LRRC37A3: variants seen among roughly 807,000 people sequenced by gnomAD.
LRRC37A3 encodes the protein leucine rich repeat containing 37 member A3, also known as leucine-rich repeat-containing protein 37A3.
In LRRC37A3, 25 loss-of-function variants were observed where a neutral mutation model predicts 106.2. That is an observed-to-expected ratio of 0.24 (90% CI 0.17 to 0.33). The LOEUF is 0.33. Ranked by LOEUF, LRRC37A3 falls within the 10% of genes least tolerant of loss-of-function variation. The pLI, the probability that LRRC37A3 is intolerant of heterozygous loss-of-function variation, is 1.00. For missense variants in LRRC37A3, 712 were observed against 1,644.9 expected (o/e 0.43, Z 9.81); for synonymous variants, 305 against 635.8 (o/e 0.48, Z 7.83).
rs1335536122 is a variant in LRRC37A3 at position 64,866,608 on chromosome 17, ATATATATATATATATATATAT to A, written c.3053+1833_3053+1853del. Among the ~76,000 whole-genome samples the A allele has an allele frequency of 1.6e-3, 32 of 19,394 alleles. No individual in the cohort carries two copies. The East Asian group carries it at 0.018, about 11-fold the overall frequency. 12.7% of individuals were successfully genotyped at this position (19,394 alleles called of 152,430 possible). On this transcript the variant is annotated intron_variant, in intron 10 of 14. Transcript: ENST00000584306. ...CACGTACATATATATATATATATAT[ATATATATATATATATATATAT>A]TTTTTTTTTTTTTTTTTTTTAGACA... is the stretch of plus-strand genomic sequence containing the variant.
At position 64,860,880 on chromosome 17, in the gene LRRC37A3, G is replaced by T. The variant is rs148306009; in HGVS notation, c.3266C>A (p.Pro1089Gln). The change falls in exon 12 of 15, where the codon CCG (proline) becomes CAG (glutamine). Residue 1089 changes from proline (P) to glutamine (Q), a missense_variant. Transcript: ENST00000584306. ...NYTSTELIIEPEEPSDSSGIN... is the reference protein window; with the variant it reads ...NYTSTELIIEQEEPSDSSGIN... ...GCCACTGCTGTCTGAGGGCTCCTCC[G>T]GCTCAATAATCAGCTCAGTGCTTGT... 1.2e-6 allele frequency: 2 copies of T among 1,614,034 alleles called. No homozygotes were observed. The highest frequency in any genetic ancestry group is 2.7e-5 in the African/African-American group (2 of 74,916).
chr17:64,899,419 CA>C (rs71215666), intron 2 of LRRC37A3, among the ~76,000 whole-genome samples: 62,095 of 101,148 alleles, frequency 0.61, 14,263 homozygotes, highest in East Asian at 0.84. Flanking sequence ...GACTCCATCT[CA>C]AAAAAAAAAA....
intron 2 of LRRC37A3, among the ~76,000 whole-genome samples, chr17:64,915,499 T>A (rs1200466507): frequency 6.6e-6 from 1 of 152,274 alleles, no homozygotes; most frequent in Non-Finnish European, 1.5e-5. Context: ...TGTCTATGAC[T>A]GCTTTCATTG....
At chr17:64,917,956 G>GA (rs1244622324) in intron 2 of LRRC37A3, among the ~76,000 whole-genome samples, 11 of 148,424 alleles carry the variant, frequency 7.4e-5, no homozygotes, top group Non-Finnish European at 1.6e-4. Flanking sequence ...CAACAAGAGC[G>GA]AAACTCTGTC....
chr17:64,860,710 T>C lies in LRRC37A3; in HGVS notation c.3436A>G (p.Thr1146Ala). 2 of 1,613,988 alleles carry C rather than the reference T, an allele frequency of 1.2e-6. No individual in the cohort carries two copies. The highest frequency in any genetic ancestry group is 1.7e-6 in the Non-Finnish European group (2 of 1,179,884). The change falls in exon 12 of 15, where the codon ACC becomes GCC. Residue 1146 changes from threonine to alanine, a missense_variant. Thr to Ala is a moderately conservative substitution (Grantham distance 58, BLOSUM62 0). Coordinates refer to ENST00000584306, the MANE Select transcript of LRRC37A3 (RefSeq NM_199340.5). ...SLLLPFIKLP[T>A]TGNSLAKIQT... is the part of the protein sequence containing the mutation. ...ATCTTTGCCAGGCTGTTTCCTGTGG[T>C]TGGCAGTTTAATGAACGGTAGTAAC... is the stretch of plus-strand genomic sequence containing the variant.
intron 2 of LRRC37A3, among the ~76,000 whole-genome samples, chr17:64,908,983 C>T (rs1974524607): frequency 6.6e-6 from 1 of 151,832 alleles, no homozygotes; most frequent in Non-Finnish European, 1.5e-5. Context: ...CCATGTTAGC[C>T]AGGCTGGTCT....
intron 2 of LRRC37A3, among the ~76,000 whole-genome samples, chr17:64,910,631 TCC>T (rs1336595493): frequency 1.6e-5 from 2 of 125,752 alleles, no homozygotes; most frequent in African/African-American, 2.8e-5. Flanking sequence ...AGTAACATTG[TCC>T]CCCCTTTTTT....
At position 64,860,139 on chromosome 17, in the gene LRRC37A3, A is replaced by G. The variant is rs1339006663; in HGVS notation, c.4007T>C (p.Leu1336Pro). Reference sequence around the variant, plus strand: ...GAACGGAAGCCTGTTTGAGAGCATCAGTCTACTCAGATAACTTTTCTTTCT... The same window carrying G: ...GAACGGAAGCCTGTTTGAGAGCATCGGTCTACTCAGATAACTTTTCTTTCT... ...KVRKKSYLSR[L>P]MLSNRLPFSA... Residue 1336 changes from leucine to proline, a missense_variant, in exon 12 of 15, where the codon CTG (leucine) becomes CCG (proline). Transcript: ENST00000584306. The G allele has an allele frequency of 6.2e-7, 1 of 1,614,014 alleles. No individual in the cohort carries two copies.
chr17:64,912,805 T>C (rs1257354436), intron 2 of LRRC37A3, among the ~76,000 whole-genome samples: 2 of 147,530 alleles, frequency 1.4e-5, no homozygotes, highest in African/African-American at 5.1e-5. Flanking sequence ...CCCAGCGTTT[T>C]GGGAGGTTGA....
At chr17:64,870,439 AG>A (rs1973274552) in intron 8 of LRRC37A3, among the ~76,000 whole-genome samples, 1 of 152,328 alleles carries the variant, frequency 6.6e-6, no homozygotes, top group South Asian at 2.1e-4. Context: ...GAAAAATAAA[AG>A]AAACAGGAAG....
intron 10 of LRRC37A3, among the ~76,000 whole-genome samples, chr17:64,867,558 T>C (rs994103443): frequency 1.3e-5 from 2 of 151,690 alleles, no homozygotes; most frequent in Non-Finnish European, 2.9e-5. Context: ...TCAGGTATAC[T>C]CTAAGTACCT....
At position 64,859,620 on chromosome 17, in the gene LRRC37A3, T is replaced by G. The variant is rs1196787905; in HGVS notation, c.4526A>C (p.His1509Pro). 3 of 1,613,418 alleles carry G rather than the reference T, an allele frequency of 1.9e-6. No homozygotes were observed. Among genetic ancestry groups the G allele is most frequent in the Non-Finnish European group, 2.5e-6 (3 of 1,179,944 alleles). ...GAGCTTGGCACAGGTCACTTGCACA[T>G]GGGCCCCAGAGCAGTCCATCTTCAA... Reference protein sequence around the residue: ...RTLKMDCSGAHVQVTCAKLVS... With the variant: ...RTLKMDCSGAPVQVTCAKLVS... The change falls in exon 12 of 15, where the codon CAT becomes CCT. Residue 1509 changes from histidine (H) to proline (P), a missense_variant. Coordinates refer to ENST00000584306, the MANE Select transcript of LRRC37A3 (RefSeq NM_199340.5).
Position 64,861,107 on chromosome 17 carries a change from A to C in LRRC37A3, c.3173-134T>G, listed in dbSNP as rs923459794. The C allele has an allele frequency of 3.5e-6, 5 of 1,442,418 alleles. No homozygotes were observed. The African/African-American group carries it at 7.0e-5, about 20-fold the overall frequency. The allele number at this position is 1,442,418 out of a possible 1,614,324, so 89.4% of individuals were successfully genotyped here. On this transcript the variant is annotated intron_variant, in intron 11 of 14. Coordinates refer to ENST00000584306, the MANE Select transcript of LRRC37A3 (RefSeq NM_199340.5). Reference sequence around the variant, plus strand: ...AGTGCCATTCAGAGAGGAGAAACACACACTCAATCCTAAACCTATGAAATG... The same window carrying C: ...AGTGCCATTCAGAGAGGAGAAACACCCACTCAATCCTAAACCTATGAAATG...
intron 8 of LRRC37A3, 114 bp from the exon 9 acceptor site, chr17:64,869,280 TCCTGTCTTTACCTAAGAAATCA>T (rs1381064226): frequency 1.9e-6 from 3 of 1,552,900 alleles, no homozygotes; most frequent in Non-Finnish European, 2.6e-6. Context: ...AAAAAATGTT[TCCTGTCTTTACCTAAGAAATCA>T]CCATTAGACT....
At chr17:64,863,565 A>G (rs1972950543) in intron 10 of LRRC37A3, 1 of 153,968 alleles carries the variant, frequency 6.5e-6, no homozygotes, top group African/African-American at 2.4e-5. Context: ...AGAAGAATCC[A>G]CGAAGAGTGA....
In LRRC37A3 at chr17:64,869,123, G is replaced by T; in HGVS notation, c.2950C>A (p.Leu984Ile). 6.2e-7 allele frequency: 1 copy of T among 1,612,938 alleles called. No individual in the cohort carries two copies. The highest frequency in any genetic ancestry group is 8.5e-7 in the Non-Finnish European group (1 of 1,179,552). ...NPLTTVEDPY[L>I]FKLPALKYLD... ...TATTTTAATGCTGGCAATTTAAAGA[G>T]ATATGGATCTTCAACAGTTGTCAGA... Residue 984 changes from leucine (L) to isoleucine (I), a missense_variant, in exon 9 of 15, where the codon CTC becomes ATC. Transcript: ENST00000584306.
rs1973202508 is a variant in LRRC37A3 at position 64,868,680 on chromosome 17, T to G, written c.2979-144A>C. On this transcript the variant is annotated intron_variant, in intron 9 of 14. Transcript: ENST00000584306. ...TTCCAGGGAGCTCTTATTAAAGAAA[T>G]TAAAGTTGATTTGCATCATCAAATT... The G allele has an allele frequency of 6.6e-6, 8 of 1,218,090 alleles. No homozygotes were observed. The Admixed American group carries it at 7.2e-5, about 11-fold the overall frequency. The allele number at this position is 1,218,090 out of a possible 1,614,324, so 75.5% of individuals were successfully genotyped here.
chr17:64,874,346 A>G (rs1430214087), intron 8 of LRRC37A3, among the ~76,000 whole-genome samples: 1 of 150,144 alleles, frequency 6.7e-6, no homozygotes, highest in Non-Finnish European at 1.5e-5. Flanking sequence ...GCCCCGTCTG[A>G]GACGTGAGGA....
At chr17:64,881,091 C>T in intron 8 of LRRC37A3, 4 of 700,770 alleles carry the variant, frequency 5.7e-6, no homozygotes, top group Non-Finnish European at 1.0e-5. Context: ...AGAAAGTAAC[C>T]TCTTTCCTTT....
Sources: gnomAD v4.1 joint callset for allele counts (sites outside exome capture counted in the v4.1 genomes callset) on GRCh38, gnomAD v4.1.1 for gene constraint, MANE v1.5 for transcripts, NCBI Gene and HGNC (gene_info 2026-07-23, HGNC 2026-07-21) for gene names.